CNTN5: variants seen among roughly 807,000 people sequenced by gnomAD.
The protein encoded by CNTN5 is contactin 5.
A neutral mutation model predicts 129.1 loss-of-function variants in CNTN5; 77 were observed. The observed-to-expected ratio is 0.60, with a 90% confidence interval of 0.50 to 0.72. The LOEUF is 0.72. Among genes scored for constraint, CNTN5 ranks in the 30% least tolerant of loss-of-function variants. The probability of loss-of-function intolerance (pLI) is 0.00; values close to 1 mark genes in which losing one functional copy is unlikely to be tolerated. For missense variants in CNTN5, 1,478 were observed against 1,328.8 expected, an observed-to-expected ratio of 1.11 and a Z score of -1.75; for synonymous variants, 509 against 465.6, an observed-to-expected ratio of 1.09 and a Z score of -1.20.
At chr11:99,242,931 T>C (rs1861633989) in intron 1 of CNTN5, among the ~76,000 whole-genome samples, 1 of 152,148 alleles carries the variant, frequency 6.6e-6, no homozygotes, top group Non-Finnish European at 1.5e-5. Flanking sequence ...TGGTGGACAG[T>C]GCTGTGATGA....
chr11:99,905,779 C>T (rs11221840), intron 6 of CNTN5, among the ~76,000 whole-genome samples: 50,929 of 151,918 alleles, frequency 0.34, 9,402 homozygotes, highest in Non-Finnish European at 0.42. Context: ...TGAGCATGGA[C>T]GCCTTTTCCA....
intron 1 of CNTN5, among the ~76,000 whole-genome samples, chr11:99,030,188 CAT>C (rs1213055991): frequency 6.6e-6 from 1 of 151,998 alleles, no homozygotes; most frequent in Non-Finnish European, 1.5e-5. Flanking sequence ...ACTACTAACT[CAT>C]AGTTTTTTTT....
chr11:99,895,227 C>T (rs1332812132), intron 6 of CNTN5, among the ~76,000 whole-genome samples: 1 of 152,180 alleles, frequency 6.6e-6, no homozygotes, highest in Non-Finnish European at 1.5e-5. Flanking sequence ...CAGAGCTGTC[C>T]TAGATAAATG....
At chr11:100,000,462 G>T (rs1233309282) in intron 8 of CNTN5, among the ~76,000 whole-genome samples, 1 of 152,186 alleles carries the variant, frequency 6.6e-6, no homozygotes, top group Non-Finnish European at 1.5e-5. Context: ...CGCTCCCAAG[G>T]ACTTGGGCAG....
At chr11:99,634,788 G>A (rs956634406) in intron 3 of CNTN5, among the ~76,000 whole-genome samples, 3 of 152,204 alleles carry the variant, frequency 2.0e-5, no homozygotes, top group Admixed American at 1.3e-4. Context: ...GGGCAAGAAC[G>A]GAGATGGATT....
At chr11:100,050,534 G>C (rs1016465245) in intron 9 of CNTN5, among the ~76,000 whole-genome samples, 1 of 151,900 alleles carries the variant, frequency 6.6e-6, no homozygotes, top group Non-Finnish European at 1.5e-5. Context: ...TAAATGACGA[G>C]TTAATGGGTG....
intron 3 of CNTN5, among the ~76,000 whole-genome samples, chr11:99,599,038 G>C (rs1427807113): frequency 6.6e-6 from 1 of 152,060 alleles, no homozygotes; most frequent in East Asian, 1.9e-4. Context: ...AAAATTATGA[G>C]TCATAGTTTC....
intron 6 of CNTN5, among the ~76,000 whole-genome samples, chr11:99,901,835 C>T (rs913290381): frequency 6.6e-6 from 1 of 152,022 alleles, no homozygotes; most frequent in Non-Finnish European, 1.5e-5. Flanking sequence ...CATATGCTAC[C>T]TTTTTATGTT....
At chr11:100,259,519 T>C (rs1238664804) in intron 17 of CNTN5, among the ~76,000 whole-genome samples, 2 of 152,204 alleles carry the variant, frequency 1.3e-5, no homozygotes, top group Admixed American at 1.3e-4. Flanking sequence ...ATCACACTTA[T>C]TCTAAAACTG....
chr11:100,238,636 A>G (rs1949675860), intron 16 of CNTN5, among the ~76,000 whole-genome samples: 1 of 152,138 alleles, frequency 6.6e-6, no homozygotes. Context: ...TGGTTTACAT[A>G]AAAGAATGAA....
intron 13 of CNTN5, among the ~76,000 whole-genome samples, chr11:100,142,385 T>C (rs1222006847): frequency 6.6e-6 from 1 of 152,182 alleles, no homozygotes; most frequent in Non-Finnish European, 1.5e-5. Flanking sequence ...TGTTGGTTCT[T>C]TGTCTCTGGA....
intron 2 of CNTN5, among the ~76,000 whole-genome samples, chr11:99,461,820 T>A (rs930015350): frequency 1.3e-5 from 2 of 151,504 alleles, no homozygotes; most frequent in Non-Finnish European, 2.9e-5. Flanking sequence ...ATGTGCAACT[T>A]TTTTTTAAAA....
At chr11:99,112,138 A>G (rs1857826659) in intron 1 of CNTN5, among the ~76,000 whole-genome samples, 2 of 152,098 alleles carry the variant, frequency 1.3e-5, no homozygotes, top group Non-Finnish European at 2.9e-5. Context: ...AATGTTGAAC[A>G]AAGTAGAAAA....
intron 1 of CNTN5, among the ~76,000 whole-genome samples, chr11:99,171,551 C>A (rs1260628119): frequency 6.6e-6 from 1 of 152,116 alleles, no homozygotes; most frequent in Non-Finnish European, 1.5e-5. Flanking sequence ...TGTCCTGTTT[C>A]CTTGTAGTTT....
At chr11:99,031,936 T>G (rs1863407085) in intron 1 of CNTN5, among the ~76,000 whole-genome samples, 2 of 108,184 alleles carry the variant, frequency 1.8e-5, no homozygotes, top group African/African-American at 7.5e-5. Flanking sequence ...CCCACAACAG[T>G]CCCCAGAGTG....
chr11:99,332,433 C>A (rs1304837549), intron 2 of CNTN5, among the ~76,000 whole-genome samples: 2 of 151,960 alleles, frequency 1.3e-5, no homozygotes, highest in Non-Finnish European at 2.9e-5. Flanking sequence ...AATCTGTGCC[C>A]CGATAATGTC....
intron 3 of CNTN5, among the ~76,000 whole-genome samples, chr11:99,732,428 A>G (rs933061544): frequency 1.6e-5 from 2 of 124,406 alleles, no homozygotes; most frequent in African/African-American, 5.4e-5. Flanking sequence ...AACTCAGTAT[A>G]ATAACTGAGT....
intron 13 of CNTN5, among the ~76,000 whole-genome samples, chr11:100,178,629 G>A (rs1014896078): frequency 3.9e-5 from 6 of 152,162 alleles, no homozygotes; most frequent in African/African-American, 1.4e-4. Flanking sequence ...AGACAGTTGT[G>A]GTTTTTCTTC....
At chr11:100,055,961 T>G (rs1306649472) in intron 9 of CNTN5, among the ~76,000 whole-genome samples, 1 of 151,600 alleles carries the variant, frequency 6.6e-6, no homozygotes, top group Admixed American at 6.6e-5. Flanking sequence ...CCCATATTTA[T>G]GTATTTTCTG....
Sources: gnomAD v4.1 joint callset for allele counts (sites outside exome capture counted in the v4.1 genomes callset) on GRCh38, gnomAD v4.1.1 for gene constraint, MANE v1.5 for transcripts, NCBI Gene and HGNC (gene_info 2026-07-23, HGNC 2026-07-21) for gene names.